Variants in RASEF observed in about 807,000 individuals in gnomAD.
RASEF encodes ras and EF-hand domain-containing protein.
RASEF carries 68 observed loss-of-function variants against 90.1 expected under a neutral mutation model. The ratio of observed to expected loss-of-function variants is 0.75; its 90% confidence interval spans 0.62 to 0.92. The LOEUF is 0.92. Among genes scored for constraint, RASEF ranks in the 40% least tolerant of loss-of-function variants. The pLI is 0.00. For missense variants in RASEF, 949 were observed against 937.2 expected (o/e 1.01, Z -0.16); for synonymous variants, 331 against 345.2 (o/e 0.96, Z 0.46).
At chr9:83,056,888 G>T (rs574405551) in intron 1 of RASEF, among the ~76,000 whole-genome samples, 1 of 152,306 alleles carries the variant, frequency 6.6e-6, no homozygotes, top group South Asian at 2.1e-4. Context: ...AATTCTGAGG[G>T]TCACAGCAGG....
chr9:83,002,523 T>C (rs1160106868), intron 9 of RASEF, among the ~76,000 whole-genome samples: 1 of 150,472 alleles, frequency 6.6e-6, no homozygotes, highest in Non-Finnish European at 1.5e-5. Context: ...TATTTATTTA[T>C]TGTTAATATA....
chr9:83,215,179 C>T, the RASEF span, among the ~76,000 whole-genome samples: 23 of 152,126 alleles, frequency 1.5e-4, no homozygotes, highest in African/African-American at 3.9e-4. Flanking sequence ...TCCATCCCCT[C>T]CTACCAGCTC....
chr9:83,107,464 C>G, the RASEF span, among the ~76,000 whole-genome samples: 2 of 152,154 alleles, frequency 1.3e-5, no homozygotes, highest in Non-Finnish European at 2.9e-5. Flanking sequence ...GTCATCACCT[C>G]CTCTCTCATT....
At chr9:83,072,422 C>A in the RASEF span, among the ~76,000 whole-genome samples, 1 of 152,182 alleles carries the variant, frequency 6.6e-6, no homozygotes, top group African/African-American at 2.4e-5. Flanking sequence ...ACTAATAGGA[C>A]AGATGTATAT....
chr9:83,161,465 C>T, the RASEF span, among the ~76,000 whole-genome samples: 3 of 152,174 alleles, frequency 2.0e-5, no homozygotes, highest in African/African-American at 7.2e-5. Context: ...TTTGGAATGG[C>T]TGCATTTACC....
intron 14 of RASEF, 76 bp downstream of exon 14, chr9:82,996,936 G>A (rs1246789830): frequency 1.1e-5 from 9 of 835,498 alleles, no homozygotes; most frequent in Admixed American, 1.8e-5. Context: ...TTCTGACAAA[G>A]AAGAGAGACA....
intron 1 of RASEF, among the ~76,000 whole-genome samples, chr9:83,036,474 C>T (rs1240857656): frequency 1.3e-5 from 2 of 152,196 alleles, no homozygotes; most frequent in Admixed American, 6.5e-5. Context: ...GAGAGTACCT[C>T]GGATGCTCTT....
chr9:83,117,325 G>A, the RASEF span, among the ~76,000 whole-genome samples: 8 of 152,188 alleles, frequency 5.3e-5, no homozygotes, highest in Non-Finnish European at 2.9e-5. Flanking sequence ...TGTTGTTTAT[G>A]CATAGAGCCT....
At chr9:83,044,228 T>G (rs1461993341) in intron 1 of RASEF, among the ~76,000 whole-genome samples, 2 of 151,190 alleles carry the variant, frequency 1.3e-5, no homozygotes, top group Non-Finnish European at 2.9e-5. Flanking sequence ...AAGGAAGGAG[T>G]GAGAAGGAAG....
chr9:83,002,753 C>G (rs1502682), intron 9 of RASEF, among the ~76,000 whole-genome samples: 79,075 of 151,752 alleles, frequency 0.52, 20,803 homozygotes, highest in East Asian at 0.73. Context: ...AAGAAAACAT[C>G]AAGTTCTGAA....
chr9:83,164,189 T>C, the RASEF span, among the ~76,000 whole-genome samples: 1 of 151,286 alleles, frequency 6.6e-6, no homozygotes, highest in South Asian at 2.1e-4. Flanking sequence ...CAGAAACCTA[T>C]ATCTATCTAC....
chr9:83,093,521 T>TC, the RASEF span, among the ~76,000 whole-genome samples: 1 of 152,152 alleles, frequency 6.6e-6, no homozygotes, highest in African/African-American at 2.4e-5. Context: ...CAGTACACCC[T>TC]CCGCAGCTGC....
intron 3 of RASEF, among the ~76,000 whole-genome samples, chr9:83,019,616 A>T (rs1829406621): frequency 6.6e-6 from 1 of 152,220 alleles, no homozygotes; most frequent in African/African-American, 2.4e-5. Flanking sequence ...CTCTATAAAG[A>T]CTTGTACATG....
intron 16 of RASEF, among the ~76,000 whole-genome samples, chr9:82,987,150 T>C (rs1389257160): frequency 6.6e-6 from 1 of 152,228 alleles, no homozygotes; most frequent in Non-Finnish European, 1.5e-5. Context: ...CTTCAACAAA[T>C]GGTAATTTTA....
At chr9:83,027,993 C>G (rs912842069) in intron 1 of RASEF, among the ~76,000 whole-genome samples, 4 of 152,152 alleles carry the variant, frequency 2.6e-5, no homozygotes, top group African/African-American at 7.2e-5. Context: ...AAGGCTGTGA[C>G]CGGGTTGTGA....
At chr9:83,000,118 T>A (rs1268324266) in intron 12 of RASEF, 51 bp downstream of exon 12, 2 of 1,556,034 alleles carry the variant, frequency 1.3e-6, no homozygotes, top group Non-Finnish European at 1.7e-6. Context: ...GAAGAGAAAA[T>A]CAAGCTAAGG....
chr9:82,998,966 A>G (rs1044890469), intron 12 of RASEF, among the ~76,000 whole-genome samples: 11 of 152,216 alleles, frequency 7.2e-5, no homozygotes, highest in Admixed American at 2.0e-4. Flanking sequence ...ACACATTTAC[A>G]TGCATCATGG....
At chr9:83,161,518 C>T in the RASEF span, among the ~76,000 whole-genome samples, 29 of 152,112 alleles carry the variant, frequency 1.9e-4, no homozygotes, top group South Asian at 5.6e-3. Context: ...AACTAACTTG[C>T]TTTTTATTTT....
the RASEF span, among the ~76,000 whole-genome samples, chr9:83,218,019 T>A: frequency 2.0e-5 from 3 of 152,186 alleles, no homozygotes; most frequent in Non-Finnish European, 4.4e-5. Context: ...GCATGCCAGA[T>A]ACATAACTTC....
Sources: allele counts gnomAD v4.1 joint callset (sites outside exome capture counted in the v4.1 genomes callset), GRCh38; gene constraint gnomAD v4.1.1; transcripts MANE v1.5; gene names NCBI Gene and HGNC (gene_info 2026-07-23, HGNC 2026-07-21).